Variants in FOXK1 observed in about 807,000 individuals in gnomAD.
FOXK1 encodes forkhead box protein K1.
A neutral mutation model predicts 51.9 loss-of-function variants in FOXK1; 19 were observed. That is an observed-to-expected ratio of 0.37 (90% confidence interval 0.26 to 0.54). The LOEUF (loss-of-function observed/expected upper bound fraction) is 0.54. Among genes scored for constraint, FOXK1 ranks in the 20% least tolerant of loss-of-function variants. FOXK1 has a pLI of 0.87. For synonymous variants in FOXK1, 537 were observed against 482.6 expected (o/e 1.11, Z -1.48); for missense variants, 870 against 1,032.7 (o/e 0.84, Z 2.16).
rs77951768 is a variant in FOXK1 at position 4,749,862 on chromosome 7, G to C, written c.747-4597G>C. 6.6e-6 allele frequency among the ~76,000 whole-genome samples: 1 copy of C among 152,168 alleles called. No individual in the cohort carries two copies. The highest frequency in any genetic ancestry group is 1.9e-4 in the East Asian group (1 of 5,194). ...TGTTGTTGGATTTGCCTTTCTCAGC[G>C]TGACTTCTCATCATAACGTGACCCA... is the stretch of plus-strand genomic sequence containing the variant. On this transcript the variant is annotated intron_variant, in intron 2 of 8. Coordinates refer to ENST00000328914, the MANE Select transcript of FOXK1 (RefSeq NM_001037165.2). The surrounding 1 kb of genome is among the most constrained non-coding windows in gnomAD (Gnocchi z 6.0).
Position 4,758,406 on chromosome 7 carries a change from GAGATCT to G in FOXK1, c.1245-644_1245-639del, listed in dbSNP as rs1419754630. ...TGAGCCCGTCCCAGGTGTCGAGGAGGAGATCTCCTGAGCGGCAGTCTCGGAAATCCT... is the reference window on the plus strand; with the variant it reads ...TGAGCCCGTCCCAGGTGTCGAGGAGGCCTGAGCGGCAGTCTCGGAAATCCT... On this transcript the variant is annotated intron_variant, in intron 5 of 8. Coordinates refer to ENST00000328914, the MANE Select transcript of FOXK1 (RefSeq NM_001037165.2). The surrounding 1 kb of genome is among the most constrained non-coding windows in gnomAD (Gnocchi z 4.4). 1.3e-5 allele frequency: 2 copies of G among 152,388 alleles called. No homozygotes were observed. Among genetic ancestry groups the G allele is most frequent in the African/African-American group, 4.8e-5 (2 of 41,470 alleles). 9.4% of individuals were successfully genotyped at this position (152,388 alleles called of 1,614,324 possible). A position where few individuals can be genotyped will look rare whatever the true frequency, so the allele number is the denominator to read the frequency against.
intron 7 of FOXK1, 54 bp downstream of exon 7, chr7:4,759,649 C>A: frequency 6.7e-7 from 1 of 1,494,964 alleles, no homozygotes; most frequent in Non-Finnish European, 8.9e-7. Context: ...TGGTCCCGGC[C>A]GGCAAGTCCC....
intron 1 of FOXK1, among the ~76,000 whole-genome samples, chr7:4,739,143 AAC>A (rs1009228888): frequency 1.2e-4 from 18 of 152,174 alleles, no homozygotes; most frequent in African/African-American, 4.3e-4. Context: ...CAGATTTAAA[AAC>A]ACAGTCAGGC....
chr7:4,744,133 T>C (rs1269822705), intron 2 of FOXK1, among the ~76,000 whole-genome samples: 1 of 152,156 alleles, frequency 6.6e-6, no homozygotes, highest in African/African-American at 2.4e-5. Context: ...CTTAAAAAAA[T>C]AAAACTATTT....
At chr7:4,739,096 C>T (rs1780595728) in intron 1 of FOXK1, among the ~76,000 whole-genome samples, 1 of 152,180 alleles carries the variant, frequency 6.6e-6, no homozygotes, top group Non-Finnish European at 1.5e-5. Context: ...CACGTCCATG[C>T]AGGATTTTAC....
At position 4,762,473 on chromosome 7, in the gene FOXK1, G is replaced by A. The variant is rs1399920400; in HGVS notation, c.*9G>A. On this transcript the variant is annotated 3_prime_UTR_variant, in exon 9 of 9. Coordinates refer to ENST00000328914, the MANE Select transcript of FOXK1 (RefSeq NM_001037165.2). This position sits in a 1 kb window ranked among gnomAD's most constrained non-coding sequence, Gnocchi z 5.7. The stretch of plus-strand genomic sequence containing the variant: ...CAGGCACCGGGGAGTGAGGTCACCT[G>A]CAACGCGGGGGAGTGGGACTCACCC... 10 of 1,538,666 alleles carry A rather than the reference G, an allele frequency of 6.5e-6. No homozygotes were observed. The Admixed American group carries it at 2.0e-4, about 30-fold the overall frequency.
intron 1 of FOXK1, among the ~76,000 whole-genome samples, chr7:4,713,626 G>C (rs1205757504): frequency 6.6e-6 from 1 of 151,744 alleles, no homozygotes; most frequent in Non-Finnish European, 1.5e-5. Flanking sequence ...CGAGTTGCTG[G>C]GATTACAAGC....
chr7:4,759,060 A>C lies in FOXK1; in HGVS notation c.1254A>C (p.Pro418=). The change falls in exon 6 of 9, where the codon CCA becomes CCC. Residue 418 remains proline, a synonymous_variant. Transcript: ENST00000328914. ...PFGPLSSRSA[P]ASPTHPGLMS... ...CTTGCCTGTCTTCCAGGAGCGCTCCAGCTTCGCCCACACACCCCGGGCTGA... is the reference window on the plus strand; with the variant it reads ...CTTGCCTGTCTTCCAGGAGCGCTCCCGCTTCGCCCACACACCCCGGGCTGA... 6.3e-7 allele frequency: 1 copy of C among 1,598,414 alleles called. No individual in the cohort carries two copies. Among genetic ancestry groups the C allele is most frequent in the East Asian group, 2.2e-5 (1 of 44,804 alleles).
intron 1 of FOXK1, among the ~76,000 whole-genome samples, chr7:4,721,722 C>G (rs1421425166): frequency 1.3e-5 from 2 of 151,440 alleles, no homozygotes; most frequent in East Asian, 3.9e-4. Context: ...TCCCAAGCAG[C>G]TGGGATTACA....
rs201312096 is a variant in FOXK1, at chr7:4,705,971, TAC to T, written c.560+23104_560+23105del. On this transcript the variant is annotated intron_variant, in intron 1 of 8. Transcript: ENST00000328914. ...TTATATATATATATGTATATATATA[TAC>T]GTATATATACGTATATATACGTATA... Among the ~76,000 whole-genome samples, 609 of 76,122 alleles carry T rather than the reference TAC, an allele frequency of 8.0e-3. 33 individuals are homozygous for T. The highest frequency in any genetic ancestry group is 0.047 in the African/African-American group (539 of 11,404). The allele number at this position is 76,122 out of a possible 152,430, so 49.9% of individuals were successfully genotyped here. A position where few individuals can be genotyped will look rare whatever the true frequency, so the allele number is the denominator to read the frequency against.
intron 1 of FOXK1, among the ~76,000 whole-genome samples, chr7:4,725,139 C>T (rs1006607709): frequency 1.3e-5 from 2 of 152,378 alleles, no homozygotes; most frequent in Non-Finnish European, 2.9e-5. Context: ...TGTGCTCTCT[C>T]GCAGTTCCTG....
rs368446489 is a variant in FOXK1 at position 4,761,926 on chromosome 7, G to C, written c.1922-258G>C. On this transcript the variant is annotated intron_variant, in intron 8 of 8. Coordinates refer to ENST00000328914, the MANE Select transcript of FOXK1 (RefSeq NM_001037165.2). This position sits in a 1 kb window ranked among gnomAD's most constrained non-coding sequence, Gnocchi z 6.2. The stretch of plus-strand genomic sequence containing the variant: ...TCTGTGTAAAGGAGTGAGGCAAGCC[G>C]TCGATGTCCAGCAGGATCTAGACAG... Among the ~76,000 whole-genome samples, 2 of 152,158 alleles carry C rather than the reference G, an allele frequency of 1.3e-5. No individual in the cohort carries two copies. The highest frequency in any genetic ancestry group is 4.2e-4 in the South Asian group (2 of 4,814).
chr7:4,754,901 C>T (rs527630713), intron 3 of FOXK1: 1 of 580,094 alleles, frequency 1.7e-6, no homozygotes, highest in African/African-American at 1.9e-5. Context: ...GGCGTCAAAG[C>T]CTTCATACAG....
rs573735193 is a variant in FOXK1 at position 4,743,807 on chromosome 7, C to T, written c.746+2784C>T. On this transcript the variant is annotated intron_variant, in intron 2 of 8. Coordinates refer to ENST00000328914, the MANE Select transcript of FOXK1 (RefSeq NM_001037165.2). The surrounding 1 kb of genome is among the most constrained non-coding windows in gnomAD (Gnocchi z 5.3). ...GCGATCCGGGGCTCCTGAGGAAGGG[C>T]TAGGCCAGCGCCCCCGCCTTAGCCT... is the stretch of plus-strand genomic sequence containing the variant. 1.3e-5 allele frequency among the ~76,000 whole-genome samples: 2 copies of T among 152,158 alleles called. No individual in the cohort carries two copies. The highest frequency in any genetic ancestry group is 4.1e-4 in the South Asian group (2 of 4,820).
At chr7:4,705,981 T>C (rs537870400) in intron 1 of FOXK1, among the ~76,000 whole-genome samples, 1,208 of 98,292 alleles carry the variant, frequency 0.012, 50 homozygotes, top group Non-Finnish European at 0.015. Context: ...TACGTATATA[T>C]ACGTATATAT....
In FOXK1 at chr7:4,683,748, C is replaced by T. The variant is rs1779783807; in HGVS notation, c.560+880C>T. 6.6e-6 allele frequency among the ~76,000 whole-genome samples: 1 copy of T among 152,174 alleles called. No individual in the cohort carries two copies. The highest frequency in any genetic ancestry group is 1.5e-5 in the Non-Finnish European group (1 of 68,018). ...CTGTCTGGTCTGGACCCTTGGGCCA[C>T]CCCCACCCCATCCAGTCTGGGTCCT... is the stretch of plus-strand genomic sequence containing the variant. On this transcript the variant is annotated intron_variant, in intron 1 of 8. Coordinates refer to ENST00000328914, the MANE Select transcript of FOXK1 (RefSeq NM_001037165.2). The surrounding 1 kb of genome is among the most constrained non-coding windows in gnomAD (Gnocchi z 4.5).
rs895757810 is a variant in FOXK1, at chr7:4,703,690, G to A, written c.560+20822G>A. 9.9e-5 allele frequency among the ~76,000 whole-genome samples: 15 copies of A among 152,248 alleles called. No individual in the cohort carries two copies. The East Asian group carries it at 1.2e-3, about 12-fold the overall frequency. ...TAGAGCTGCAGCTGGGGACTGGTGC[G>A]CCATGCAATTGACATAGCGCTGCTC... is the stretch of plus-strand genomic sequence containing the variant. On this transcript the variant is annotated intron_variant, in intron 1 of 8. Coordinates refer to ENST00000328914, the MANE Select transcript of FOXK1 (RefSeq NM_001037165.2). This position sits in a 1 kb window ranked among gnomAD's most constrained non-coding sequence, Gnocchi z 5.6.
Position 4,703,868 on chromosome 7 carries a change from T to C in FOXK1, c.560+21000T>C, listed in dbSNP as rs1388151168. Among the ~76,000 whole-genome samples the C allele has an allele frequency of 6.6e-6, 1 of 152,266 alleles. No homozygotes were observed. Among genetic ancestry groups the C allele is most frequent in the African/African-American group, 2.4e-5 (1 of 41,572 alleles). Reference sequence around the variant, plus strand: ...CTGGGGAAGGGAGAAAAGTAACATATGGCAGTCACATTACATTATGACCAT... The same window carrying C: ...CTGGGGAAGGGAGAAAAGTAACATACGGCAGTCACATTACATTATGACCAT... On this transcript the variant is annotated intron_variant, in intron 1 of 8. Transcript: ENST00000328914. This position sits in a 1 kb window ranked among gnomAD's most constrained non-coding sequence, Gnocchi z 5.6.
rs1780926102 is a variant in FOXK1, at chr7:4,761,120, A to C, written c.1753A>C (p.Ile585Leu). 1 of 1,612,838 alleles carries C rather than the reference A, an allele frequency of 6.2e-7. No individual in the cohort carries two copies. Among genetic ancestry groups the C allele is most frequent in the African/African-American group, 1.3e-5 (1 of 74,918 alleles). The change falls in exon 8 of 9, where the codon ATC (isoleucine) becomes CTC (leucine). Residue 585 changes from isoleucine (I) to leucine (L), a missense_variant. Around this residue, in one of 3 missense-constraint regions of FOXK1, gnomAD observed 457 missense variants for 510.8 expected, o/e 0.89. Transcript: ENST00000328914. The surrounding 1 kb of genome is among the most constrained non-coding windows in gnomAD (Gnocchi z 6.2). ...CACAATCCCCGCGGCTGGTGGAGTCATCCAGACGGTGGCCAGCCAGATGGC... is the reference window on the plus strand; with the variant it reads ...CACAATCCCCGCGGCTGGTGGAGTCCTCCAGACGGTGGCCAGCCAGATGGC... ...FATIPAAGGV[I>L]QTVASQMAPG... is the part of the protein sequence containing the mutation.
Sources: gnomAD v4.1 joint callset for allele counts (sites outside exome capture counted in the v4.1 genomes callset) on GRCh38, gnomAD v4.1.1 for gene constraint, gnomAD v4.1.1 regional missense constraint, Gnocchi (gnomAD v3.1) non-coding constraint, MANE v1.5 for transcripts, NCBI Gene and HGNC (gene_info 2026-07-23, HGNC 2026-07-21) for gene names.